The following ARHGEF26 variants were observed in gnomAD, a reference collection of about 807,000 sequenced individuals.
The protein encoded by ARHGEF26 is Rho guanine nucleotide exchange factor 26.
ARHGEF26 carries 59 observed loss-of-function variants against 89.4 expected under a neutral mutation model. The observed-to-expected ratio is 0.66, with a 90% CI of 0.54 to 0.82. The LOEUF is 0.82. Among genes scored for constraint, ARHGEF26 ranks in the 40% least tolerant of loss-of-function variants. The pLI, the probability that ARHGEF26 is intolerant of heterozygous loss-of-function variation, is 0.00. For missense variants in ARHGEF26, 1,234 were observed against 1,085.6 expected, an observed-to-expected ratio of 1.14 and a Z score of -1.92; for synonymous variants, 500 against 428.4, an observed-to-expected ratio of 1.17 and a Z score of -2.06.
Position 154,168,295 on chromosome 3 carries a change from G to A in ARHGEF26, c.1487+15363G>A, listed in dbSNP as rs187387368. Among the ~76,000 whole-genome samples the A allele has an allele frequency of 2.6e-5, 4 of 152,246 alleles. No individual in the cohort carries two copies. In the East Asian group the frequency reaches 7.7e-4, roughly 29 times the overall value. ...TTTACGTGGCTTAAAAGTCCAAAGAGGCTGTACACGTTGGCTCACGTCTAT... is the reference window on the plus strand; with the variant it reads ...TTTACGTGGCTTAAAAGTCCAAAGAAGCTGTACACGTTGGCTCACGTCTAT... On this transcript the variant is annotated intron_variant, in intron 6 of 14. Coordinates refer to ENST00000465093, the MANE Select transcript of ARHGEF26 (RefSeq NM_015595.4).
chr3:154,255,690 A>G lies in ARHGEF26; in HGVS notation c.*217A>G. On this transcript the variant is annotated 3_prime_UTR_variant, in exon 15 of 15. Coordinates refer to ENST00000465093, the MANE Select transcript of ARHGEF26 (RefSeq NM_015595.4). ...AGTTTTTACCTAACCACACACTTGCAGACCTCCTGAGGTACACAGAATAGC... is the reference window on the plus strand; with the variant it reads ...AGTTTTTACCTAACCACACACTTGCGGACCTCCTGAGGTACACAGAATAGC... 7.3e-7 allele frequency: 1 copy of G among 1,371,368 alleles called. No homozygotes were observed. The highest frequency in any genetic ancestry group is 2.8e-5 in the East Asian group (1 of 36,344). The allele number at this position is 1,371,368 out of a possible 1,614,324, so 84.9% of individuals were successfully genotyped here.
At chr3:154,227,486 T>TC (rs199602208) in intron 11 of ARHGEF26, among the ~76,000 whole-genome samples, 2,539 of 152,202 alleles carry the variant, frequency 0.017, 71 homozygotes, top group African/African-American at 0.058. Flanking sequence ...TTTCACCATG[T>TC]CAGCTAGGAT....
At chr3:154,193,696 G>T (rs1003407157) in intron 8 of ARHGEF26, among the ~76,000 whole-genome samples, 2 of 152,128 alleles carry the variant, frequency 1.3e-5, no homozygotes, top group African/African-American at 2.4e-5. Context: ...TTGAATGTGT[G>T]TGTATAGCTT....
chr3:154,163,459 C>CA (rs1711793010), intron 6 of ARHGEF26, among the ~76,000 whole-genome samples: 1 of 152,026 alleles, frequency 6.6e-6, no homozygotes, highest in Non-Finnish European at 1.5e-5. Flanking sequence ...ACTGTTTGTT[C>CA]AAAAATACAT....
intron 8 of ARHGEF26, among the ~76,000 whole-genome samples, chr3:154,192,746 A>T (rs1320935418): frequency 1.3e-5 from 2 of 152,208 alleles, no homozygotes; most frequent in African/African-American, 4.8e-5. Context: ...CAAGAAGTGA[A>T]TGCCTTGTAA....
intron 6 of ARHGEF26, among the ~76,000 whole-genome samples, chr3:154,153,268 T>C (rs1201249467): frequency 1.3e-5 from 2 of 152,156 alleles, no homozygotes; most frequent in Non-Finnish European, 2.9e-5. Flanking sequence ...GAGTAAGCCT[T>C]AGGCTTAGGT....
chr3:154,199,860 T>C (rs1714521057), intron 9 of ARHGEF26, among the ~76,000 whole-genome samples: 2 of 152,096 alleles, frequency 1.3e-5, no homozygotes, highest in Admixed American at 6.6e-5. Context: ...TGTATGTCTT[T>C]TGAGAAATGT....
chr3:154,217,835 A>G (rs930471085), intron 9 of ARHGEF26, 34 bp from the exon 10 acceptor site: 2 of 1,526,538 alleles, frequency 1.3e-6, no homozygotes, highest in Admixed American at 1.9e-5. Context: ...TCTCTCCTTG[A>G]CCTTTAACCC....
intron 12 of ARHGEF26, among the ~76,000 whole-genome samples, chr3:154,252,213 CTT>C (rs762610781): frequency 4.6e-5 from 7 of 152,214 alleles, no homozygotes; most frequent in Admixed American, 6.5e-5. Context: ...TAGAAACTGA[CTT>C]TGGTTTGAAT....
intron 10 of ARHGEF26, among the ~76,000 whole-genome samples, chr3:154,220,126 A>G (rs546250508): frequency 6.6e-6 from 1 of 152,374 alleles, no homozygotes; most frequent in East Asian, 1.9e-4. Flanking sequence ...TACTATATGA[A>G]TAACAGTGGA....
At position 154,255,855 on chromosome 3, in the gene ARHGEF26, T is replaced by C; in HGVS notation, c.*382T>C. The C allele has an allele frequency of 9.9e-7, 1 of 1,009,896 alleles. No homozygotes were observed. Among genetic ancestry groups the C allele is most frequent in the Non-Finnish European group, 1.2e-6 (1 of 845,730 alleles). The allele number at this position is 1,009,896 out of a possible 1,614,324, so 62.6% of individuals were successfully genotyped here. On this transcript the variant is annotated 3_prime_UTR_variant, in exon 15 of 15. Coordinates refer to ENST00000465093, the MANE Select transcript of ARHGEF26 (RefSeq NM_015595.4). ...GACTGTCTCTCTTTATACATCCTTG[T>C]ATGGTTCTCCCAGTATTAGCAAGAT...
chr3:154,198,175 G>A (rs963183830), intron 9 of ARHGEF26, among the ~76,000 whole-genome samples: 1 of 152,082 alleles, frequency 6.6e-6, no homozygotes, highest in Non-Finnish European at 1.5e-5. Context: ...AAACCACAAT[G>A]AGGTACCACC....
chr3:154,233,867 T>C (rs922885880), intron 11 of ARHGEF26, among the ~76,000 whole-genome samples: 3 of 152,226 alleles, frequency 2.0e-5, no homozygotes, highest in African/African-American at 4.8e-5. Context: ...GAAACATTTG[T>C]TGTGGCACCA....
intron 6 of ARHGEF26, among the ~76,000 whole-genome samples, chr3:154,165,926 A>G (rs992819392): frequency 6.6e-6 from 1 of 152,186 alleles, no homozygotes; most frequent in Non-Finnish European, 1.5e-5. Flanking sequence ...CTTTGCAGAC[A>G]TTACCTTAGG....
chr3:154,154,241 G>A (rs1419849201), intron 6 of ARHGEF26, among the ~76,000 whole-genome samples: 1 of 151,982 alleles, frequency 6.6e-6, no homozygotes, highest in African/African-American at 2.4e-5. Context: ...AAAGGATCAT[G>A]TTTTACAATT....
At chr3:154,210,028 C>A (rs571362987) in intron 9 of ARHGEF26, among the ~76,000 whole-genome samples, 1 of 152,290 alleles carries the variant, frequency 6.6e-6, no homozygotes, top group Admixed American at 6.5e-5. Context: ...TAGCCACCAC[C>A]ACCCCAGGCC....
rs1284710060 is a variant in ARHGEF26, at chr3:154,123,060, T to G, written c.1068T>G (p.Ser356Arg). The change falls in exon 2 of 15, where the codon AGT becomes AGG. Residue 356 changes from serine (S) to arginine (R), a missense_variant. Physicochemically the swap from Ser to Arg is moderately radical, Grantham distance 110. Coordinates refer to ENST00000465093, the MANE Select transcript of ARHGEF26 (RefSeq NM_015595.4). ...TGGAAGACAAGGAGAAGTTTTCCAGTCTGGGAAGGATAAAGGTAAAAGTGG... is the reference window on the plus strand; with the variant it reads ...TGGAAGACAAGGAGAAGTTTTCCAGGCTGGGAAGGATAAAGGTAAAAGTGG... ...VVMEDKEKFS[S>R]LGRIKKKMLK... 3 of 1,613,736 alleles carry G rather than the reference T, an allele frequency of 1.9e-6. No homozygotes were observed. The African/African-American group carries it at 4.0e-5, about 22-fold the overall frequency.
intron 4 of ARHGEF26, among the ~76,000 whole-genome samples, chr3:154,140,787 G>T (rs1456741926): frequency 2.6e-5 from 4 of 151,878 alleles, no homozygotes; most frequent in Non-Finnish European, 5.9e-5. Context: ...TGTTATGTTG[G>T]TCAGGCTGGT....
chr3:154,180,045 T>G (rs917672877), intron 6 of ARHGEF26, among the ~76,000 whole-genome samples: 2 of 152,120 alleles, frequency 1.3e-5, no homozygotes, highest in African/African-American at 4.8e-5. Context: ...GTATCGTGGC[T>G]TATGAATTTT....
Sources: gnomAD v4.1 joint callset for allele counts (sites outside exome capture counted in the v4.1 genomes callset) on GRCh38, gnomAD v4.1.1 for gene constraint, MANE v1.5 for transcripts, NCBI Gene and HGNC (gene_info 2026-07-23, HGNC 2026-07-21) for gene names.